Variants in MBD3 observed in about 807,000 individuals in gnomAD.
MBD3 encodes methyl-CpG-binding domain protein 3.
In MBD3, 13 loss-of-function variants were observed where a neutral mutation model predicts 31.2. That is an observed-to-expected ratio of 0.42 (90% CI 0.27 to 0.66). The LOEUF (loss-of-function observed/expected upper bound fraction) is 0.66. Ranked by LOEUF, MBD3 falls within the 30% of genes least tolerant of loss-of-function variation. The pLI, the probability that MBD3 is intolerant of heterozygous loss-of-function variation, is 0.26. For synonymous variants in MBD3, 223 were observed against 187.4 expected, an observed-to-expected ratio of 1.19 and a Z score of -1.55; for missense variants, 440 against 426.5, an observed-to-expected ratio of 1.03 and a Z score of -0.28.
chr19:1,579,057 G>A (rs1050496912), intron 5 of MBD3, among the ~76,000 whole-genome samples: 9 of 151,674 alleles, frequency 5.9e-5, no homozygotes, highest in Non-Finnish European at 8.8e-5. Context: ...GGTGGCGGCC[G>A]CCTGTAGTCC....
Position 1,578,276 on chromosome 19 carries a change from A to C in MBD3, c.*5+59T>G. The C allele has an allele frequency of 6.3e-7, 1 of 1,596,868 alleles. No homozygotes were observed. The highest frequency in any genetic ancestry group is 1.1e-5 in the South Asian group (1 of 90,888). The stretch of plus-strand genomic sequence containing the variant: ...CGTCATCCCAAGCACATCTGTGTTC[A>C]CCAGGCAGTCCCCACTGCCAGGACC... On this transcript the variant is annotated intron_variant, in intron 6 of 6. Coordinates refer to ENST00000434436, the MANE Select transcript of MBD3 (RefSeq NM_001281453.2). The surrounding 1 kb of genome is among the most constrained non-coding windows in gnomAD (Gnocchi z 6.1).
At chr19:1,586,181 C>A (rs921910465) in intron 1 of MBD3, 1 of 152,260 alleles carries the variant, frequency 6.6e-6, no homozygotes, top group African/African-American at 2.4e-5. Flanking sequence ...AGCACGCATC[C>A]ACACCATCAC....
At chr19:1,592,451 G>GCGCCGAGGCCGC in intron 1 of MBD3, 71 bp downstream of exon 1, 1 of 714,618 alleles carries the variant, frequency 1.4e-6, no homozygotes, top group Non-Finnish European at 2.0e-6. Flanking sequence ...CGGGGCAGGG[G>GCGCCGAGGCCGC]CGCCGAGGCC....
At chr19:1,589,825 C>A (rs147490275) in intron 1 of MBD3, among the ~76,000 whole-genome samples, 9 of 152,168 alleles carry the variant, frequency 5.9e-5, no homozygotes, top group African/African-American at 2.2e-4. Context: ...CAGAACAAGA[C>A]CCTGTCTCAC....
At position 1,578,559 on chromosome 19, in the gene MBD3, C is replaced by G; in HGVS notation, c.678-21G>C. 1 of 1,610,922 alleles carries G rather than the reference C, an allele frequency of 6.2e-7. No homozygotes were observed. The highest frequency in any genetic ancestry group is 8.5e-7 in the Non-Finnish European group (1 of 1,179,888). On this transcript the variant is annotated intron_variant, in intron 5 of 6. Transcript: ENST00000434436. This position sits in a 1 kb window ranked among gnomAD's most constrained non-coding sequence, Gnocchi z 6.1. ...GCTTCCTGGGGACACATGGACCTTG[C>G]GTTACACCAAGGTGAGCGGCCAGCA...
At chr19:1,582,774 T>C in intron 3 of MBD3, 62 bp from the exon 4 acceptor site, 1 of 1,487,462 alleles carries the variant, frequency 6.7e-7, no homozygotes, top group Non-Finnish European at 9.3e-7. Flanking sequence ...TCCAGGTCCT[T>C]GCTGGGCTCC....
chr19:1,581,412 C>G (rs1434663171), intron 4 of MBD3, 143 bp from the exon 5 acceptor site: 2 of 849,036 alleles, frequency 2.4e-6, no homozygotes, highest in Non-Finnish European at 1.9e-6. Flanking sequence ...TTCTAAATTC[C>G]CTCTCCCGCT....
At chr19:1,588,658 A>G (rs1469071585) in intron 1 of MBD3, among the ~76,000 whole-genome samples, 5 of 151,596 alleles carry the variant, frequency 3.3e-5, no homozygotes, top group Admixed American at 3.3e-4. Flanking sequence ...GCACGTGCCT[A>G]TAGTCCCAGC....
At chr19:1,586,860 T>C (rs1328845034) in intron 1 of MBD3, among the ~76,000 whole-genome samples, 1 of 151,632 alleles carries the variant, frequency 6.6e-6, no homozygotes, top group Non-Finnish European at 1.5e-5. Flanking sequence ...AGAGACCAGG[T>C]TTCACTGTGT....
intron 5 of MBD3, among the ~76,000 whole-genome samples, chr19:1,579,820 T>C (rs866911364): frequency 1.3e-5 from 2 of 152,292 alleles, no homozygotes; most frequent in South Asian, 2.1e-4. Context: ...CCAGGTTGAA[T>C]TGCAGTGGCA....
chr19:1,584,746 G>C, intron 2 of MBD3, 69 bp from the exon 3 acceptor site: 2 of 1,506,616 alleles, frequency 1.3e-6, no homozygotes, highest in Non-Finnish European at 1.8e-6. Flanking sequence ...GGGGGTGCGG[G>C]GCCCGGGTGA....
chr19:1,578,676 T>C lies in MBD3; in HGVS notation c.678-138A>G. 5.2e-6 allele frequency: 8 copies of C among 1,538,672 alleles called. No individual in the cohort carries two copies. Among genetic ancestry groups the C allele is most frequent in the Non-Finnish European group, 7.1e-6 (8 of 1,129,934 alleles). On this transcript the variant is annotated intron_variant, in intron 5 of 6. Transcript: ENST00000434436. The surrounding 1 kb of genome is among the most constrained non-coding windows in gnomAD (Gnocchi z 6.1). ...CCCCCCCAGGACCAGCCCTGGCCCG[T>C]GCCACCCCTCCCTTCACAATCCACG...
At chr19:1,584,749 C>G in intron 2 of MBD3, 72 bp from the exon 3 acceptor site, 1 of 1,486,136 alleles carries the variant, frequency 6.7e-7, no homozygotes, top group South Asian at 1.2e-5. Flanking sequence ...GGTGCGGGGC[C>G]CGGGTGACCC....
chr19:1,590,892 C>A (rs1026306997), intron 1 of MBD3, among the ~76,000 whole-genome samples: 4 of 152,224 alleles, frequency 2.6e-5, no homozygotes, highest in African/African-American at 9.6e-5. Flanking sequence ...GGCTGCCTGG[C>A]TTCACCCTCT....
At chr19:1,587,334 T>A (rs1263861515) in intron 1 of MBD3, among the ~76,000 whole-genome samples, 1 of 152,018 alleles carries the variant, frequency 6.6e-6, no homozygotes, top group South Asian at 2.1e-4. Flanking sequence ...ACTCCTGAGC[T>A]CAAGCAGTCC....
chr19:1,581,071 G>T, intron 5 of MBD3, 21 bp downstream of exon 5: 1 of 1,613,998 alleles, frequency 6.2e-7, no homozygotes, highest in Non-Finnish European at 8.5e-7. Flanking sequence ...GGAGCAGCAG[G>T]GGACCAGGCC....
intron 1 of MBD3, 36 bp downstream of exon 1, chr19:1,592,486 C>T: frequency 1.7e-6 from 2 of 1,193,764 alleles, no homozygotes; most frequent in South Asian, 2.8e-5. Flanking sequence ...TGGGAGGAGC[C>T]CGTTGAGGCC....
chr19:1,585,540 C>CA lies in MBD3; in HGVS notation c.111-327_111-326insT. On this transcript the variant is annotated intron_variant, in intron 1 of 6. Coordinates refer to ENST00000434436, the MANE Select transcript of MBD3 (RefSeq NM_001281453.2). This position sits in a 1 kb window ranked among gnomAD's most constrained non-coding sequence, Gnocchi z 4.1. ...TCCACATCGGATCCTTGCTCCAGAC[C>CA]CCCAACCCCGGTCCCCTCTGAATCC... 2.6e-6 allele frequency: 1 copy of CA among 384,852 alleles called. No homozygotes were observed. Among genetic ancestry groups the CA allele is most frequent in the Non-Finnish European group, 4.9e-6 (1 of 204,432 alleles). The allele number at this position is 384,852 out of a possible 1,614,324, so 23.8% of individuals were successfully genotyped here. A position where few individuals can be genotyped will look rare whatever the true frequency, so the allele number is the denominator to read the frequency against.
In MBD3 at chr19:1,575,335, G is replaced by A. The variant is rs772367968; in HGVS notation, c.*2829C>T. ...CTGAGGCTTGAACCCAGAAGGTGGA[G>A]GTTGCAGTGAGCCCAGATCACGCCA... On this transcript the variant is annotated 3_prime_UTR_variant, in exon 7 of 7. Transcript: ENST00000434436. The A allele has an allele frequency of 6.9e-6, 3 of 437,906 alleles. No homozygotes were observed. Among genetic ancestry groups the A allele is most frequent in the South Asian group, 1.6e-5 (1 of 63,938 alleles). The allele number at this position is 437,906 out of a possible 1,614,324, so 27.1% of individuals were successfully genotyped here. A position where few individuals can be genotyped will look rare whatever the true frequency, so the allele number is the denominator to read the frequency against.
Sources: gnomAD v4.1 joint callset for allele counts (sites outside exome capture counted in the v4.1 genomes callset) on GRCh38, gnomAD v4.1.1 for gene constraint, Gnocchi (gnomAD v3.1) non-coding constraint, MANE v1.5 for transcripts, NCBI Gene and HGNC (gene_info 2026-07-23, HGNC 2026-07-21) for gene names.